Variants in NOS1 observed in about 807,000 individuals in gnomAD.
The protein encoded by NOS1 is NOS type I.
In NOS1, 51 loss-of-function variants were observed where a neutral mutation model predicts 164.5. The ratio of observed to expected loss-of-function variants is 0.31; its 90% CI spans 0.25 to 0.39. The LOEUF (loss-of-function observed/expected upper bound fraction) is 0.39, where lower values mean the gene tolerates loss of function less well. Ranked by LOEUF, NOS1 falls within the 10% of genes least tolerant of loss-of-function variation. The pLI is 1.00. For synonymous variants in NOS1, 719 were observed against 745.8 expected, an observed-to-expected ratio of 0.96 and a Z score of 0.59; for missense variants, 1,362 against 1,885.6, an observed-to-expected ratio of 0.72 and a Z score of 5.14.
Position 117,286,203 on chromosome 12 carries a change from G to C in NOS1, c.1191C>G (p.Ser397Arg). Residue 397 changes from serine to arginine, a missense_variant, in exon 6 of 29, where the codon AGC becomes AGG. Ser to Arg is a moderately radical substitution (Grantham distance 110). This residue lies in a region of NOS1 where 129 missense variants were observed against 186.0 expected (regional missense o/e 0.69). Coordinates refer to ENST00000317775, the MANE Select transcript of NOS1 (RefSeq NM_000620.5). ...EEVNKEIDTTSTYQLKDTELI... is the reference protein window; with the variant it reads ...EEVNKEIDTTRTYQLKDTELI... ...GCTCTGTGTCCTTGAGCTGGTAAGT[G>C]CTAGTGGTGTCGATCTCTTTGTTCA... 1 of 1,614,206 alleles carries C rather than the reference G, an allele frequency of 6.2e-7. No individual in the cohort carries two copies. Among genetic ancestry groups the C allele is most frequent in the Non-Finnish European group, 8.5e-7 (1 of 1,180,046 alleles).
At chr12:117,275,588 C>T (rs907381204) in intron 9 of NOS1, among the ~76,000 whole-genome samples, 1 of 152,222 alleles carries the variant, frequency 6.6e-6, no homozygotes, top group East Asian at 1.9e-4. Flanking sequence ...TTCTACACCA[C>T]TGTAGGATGA....
chr12:117,352,382 G>A (rs1026268187), intron 1 of NOS1, among the ~76,000 whole-genome samples: 1 of 152,016 alleles, frequency 6.6e-6, no homozygotes, highest in African/African-American at 2.4e-5. Flanking sequence ...GGGCTATACC[G>A]CCAGCCACGG....
At chr12:117,295,652 C>T (rs1178939363) in intron 3 of NOS1, among the ~76,000 whole-genome samples, 2 of 134,380 alleles carry the variant, frequency 1.5e-5, no homozygotes, top group African/African-American at 2.8e-5. Flanking sequence ...GAGTCTCACT[C>T]TGTCGCCCAG....
Position 117,272,549 on chromosome 12 carries a change from A to C in NOS1, c.1675T>G (p.Phe559Val). The change falls in exon 10 of 29, where the codon TTC (phenylalanine) becomes GTC (valine). Residue 559 changes from phenylalanine to valine, a missense_variant. Phe to Val is a conservative substitution (Grantham distance 50). Coordinates refer to ENST00000317775, the MANE Select transcript of NOS1 (RefSeq NM_000620.5). This position sits in a 1 kb window ranked among gnomAD's most constrained non-coding sequence, Gnocchi z 4.3. ...VPIRHPKFEW[F>V]KDLGLKWYGL... ...TACCACTTCAGCCCCAGGTCCTTGA[A>C]CCACTCAAACCTGCAGGGAGCAACA... is the stretch of plus-strand genomic sequence containing the variant. 1 of 1,613,686 alleles carries C rather than the reference A, an allele frequency of 6.2e-7. No individual in the cohort carries two copies. The highest frequency in any genetic ancestry group is 1.7e-5 in the Admixed American group (1 of 59,892).
At chr12:117,353,441 G>A (rs531790260) in intron 1 of NOS1, among the ~76,000 whole-genome samples, 10 of 152,276 alleles carry the variant, frequency 6.6e-5, no homozygotes, top group East Asian at 1.9e-4. Flanking sequence ...TATCTTCAGC[G>A]TAGAGACAGA....
chr12:117,286,008 C>T, intron 6 of NOS1, 96 bp downstream of exon 6: 2 of 1,418,660 alleles, frequency 1.4e-6, no homozygotes, highest in Non-Finnish European at 1.9e-6. Context: ...ACCAGGTACC[C>T]TTGGTAGAAG....
At chr12:117,352,211 A>G (rs868010499) in intron 1 of NOS1, among the ~76,000 whole-genome samples, 1 of 151,790 alleles carries the variant, frequency 6.6e-6, no homozygotes, top group African/African-American at 2.4e-5. Flanking sequence ...ATACATACAT[A>G]CATGCATACA....
rs116865529 is a variant in NOS1 at position 117,252,814 on chromosome 12, G to A, written c.2648+824C>T. Among the ~76,000 whole-genome samples the A allele has an allele frequency of 8.3e-4, 126 of 152,336 alleles. 2 individuals are homozygous for A. The East Asian group carries it at 0.017, about 20-fold the overall frequency. ...TGATCTATATCATCTACTACGCATT[G>A]CTCTGAGTAATTACGGAGAAGGCTC... On this transcript the variant is annotated intron_variant, in intron 17 of 28. Coordinates refer to ENST00000317775, the MANE Select transcript of NOS1 (RefSeq NM_000620.5).
chr12:117,222,593 G>C, intron 26 of NOS1, 122 bp downstream of exon 26: 2 of 904,842 alleles, frequency 2.2e-6, no homozygotes, highest in Non-Finnish European at 3.5e-6. Flanking sequence ...CTGAAGTACA[G>C]AGCAACTTCA....
At position 117,278,681 on chromosome 12, in the gene NOS1, A is replaced by G. The variant is rs553817014; in HGVS notation, c.1525-583T>C. Among the ~76,000 whole-genome samples the G allele has an allele frequency of 5.1e-4, 76 of 149,572 alleles. 1 individual carries two copies. The highest frequency in any genetic ancestry group is 1.7e-3 in the African/African-American group (69 of 40,914). ...TAAAACTTTCTAGTAGCCACATTAG[A>G]AAAAAAAAACAACTGGTGAAAATAA... is the stretch of plus-strand genomic sequence containing the variant. On this transcript the variant is annotated intron_variant, in intron 8 of 28. Transcript: ENST00000317775.
At chr12:117,314,654 G>T (rs1476055934) in intron 2 of NOS1, among the ~76,000 whole-genome samples, 1 of 152,034 alleles carries the variant, frequency 6.6e-6, no homozygotes, top group Non-Finnish European at 1.5e-5. Flanking sequence ...TCACCCAGGC[G>T]GGAGTGCAGT....
chr12:117,280,806 G>A lies in NOS1; in HGVS notation c.1443C>T (p.Asn481=), dbSNP rs1873584673. The A allele has an allele frequency of 6.2e-7, 1 of 1,614,224 alleles. No individual in the cohort carries two copies. The highest frequency in any genetic ancestry group is 1.3e-5 in the African/African-American group (1 of 75,074). The change falls in exon 8 of 29, where the codon AAC becomes AAT. Residue 481 remains asparagine, a synonymous_variant. Coordinates refer to ENST00000317775, the MANE Select transcript of NOS1 (RefSeq NM_000620.5). ...AGCCAGCGTAGCGGATGAGCTGGGA[G>A]TTCCAGACTCGGAAGTCGTGCTTGC... ...TDGKHDFRVW[N]SQLIRYAGYK...
At chr12:117,351,162 T>G (rs1239514296) in intron 1 of NOS1, among the ~76,000 whole-genome samples, 1 of 152,134 alleles carries the variant, frequency 6.6e-6, no homozygotes, top group Non-Finnish European at 1.5e-5. Flanking sequence ...GGCATCTGAT[T>G]GGGTTTGGCC....
intron 11 of NOS1, among the ~76,000 whole-genome samples, chr12:117,265,878 C>T (rs1053031674): frequency 1.3e-5 from 2 of 151,920 alleles, no homozygotes; most frequent in African/African-American, 4.8e-5. Context: ...GCAAGCTCTG[C>T]CTCCCGGGTT....
At chr12:117,218,294 G>T in intron 27 of NOS1, 130 bp from the exon 28 acceptor site, 1 of 739,266 alleles carries the variant, frequency 1.4e-6, no homozygotes, top group Non-Finnish European at 2.4e-6. Context: ...TGAGGCTGAA[G>T]CCAGTGTCCC....
At chr12:117,239,712 T>TTC (rs113014948) in intron 20 of NOS1, among the ~76,000 whole-genome samples, 2 of 117,816 alleles carry the variant, frequency 1.7e-5, no homozygotes, top group African/African-American at 3.8e-5. Context: ...TTTCTTCTTC[T>TTC]TTTTTTTTTT....
At chr12:117,359,570 C>T (rs1877018637) in intron 1 of NOS1, among the ~76,000 whole-genome samples, 2 of 152,216 alleles carry the variant, frequency 1.3e-5, no homozygotes, top group African/African-American at 4.8e-5. Flanking sequence ...TGAGATGAGG[C>T]GCCTATGGGC....
intron 7 of NOS1, among the ~76,000 whole-genome samples, chr12:117,283,855 C>CAAAA (rs61448842): frequency 0.022 from 1,375 of 62,662 alleles, 39 homozygotes; most frequent in East Asian, 0.038. Context: ...GACTCTGTCT[C>CAAAA]AAAAAAAAAA....
rs143951207 is a variant in NOS1, at chr12:117,360,448, G to A, written c.-421+1064C>T. 4.1e-3 allele frequency among the ~76,000 whole-genome samples: 625 copies of A among 152,364 alleles called. 5 individuals are homozygous for A. Among genetic ancestry groups the A allele is most frequent in the Middle Eastern group, 0.014 (4 of 294 alleles). On this transcript the variant is annotated intron_variant, in intron 1 of 28. Transcript: ENST00000317775. ...CCACTGCCCAGCCCCGAACCGTGGC[G>A]GAACGCGCCCCTCGGCCTCCCTAGA...
Sources: gnomAD v4.1 joint callset for allele counts (sites outside exome capture counted in the v4.1 genomes callset) on GRCh38, gnomAD v4.1.1 for gene constraint, gnomAD v4.1.1 regional missense constraint, Gnocchi (gnomAD v3.1) non-coding constraint, MANE v1.5 for transcripts, NCBI Gene and HGNC (gene_info 2026-07-23, HGNC 2026-07-21) for gene names.